The following SLC8A1 variants were observed in gnomAD, a reference collection of about 807,000 sequenced individuals.
The protein encoded by SLC8A1 is solute carrier family 8 member A1.
A neutral mutation model predicts 68.3 loss-of-function variants in SLC8A1; 18 were observed. The observed-to-expected ratio is 0.26, with a 90% CI of 0.18 to 0.39. SLC8A1 has a LOEUF of 0.39. SLC8A1 is among the 10% of genes least tolerant of loss of function. The pLI is 1.00. For synonymous variants in SLC8A1, 475 were observed against 415.5 expected (o/e 1.14, Z -1.74); for missense variants, 985 against 1,156.7 (o/e 0.85, Z 2.15).
intron 4 of SLC8A1, 122 bp downstream of exon 6, chr2:40,174,583 AC>A: frequency 1.1e-6 from 1 of 937,796 alleles, no homozygotes; most frequent in Non-Finnish European, 1.6e-6. Context: ...AATGTGTAAA[AC>A]CAGCAAGAGC....
intron 2 of SLC8A1, among the ~76,000 whole-genome samples, chr2:40,181,731 A>G (rs1248074006): frequency 6.6e-6 from 1 of 152,210 alleles, no homozygotes; most frequent in Non-Finnish European, 1.5e-5. Flanking sequence ...AGGCACTGGT[A>G]ATGTTCACCT....
intron 2 of SLC8A1, among the ~76,000 whole-genome samples, chr2:40,246,235 G>A (rs1336005998): frequency 6.6e-6 from 1 of 152,172 alleles, no homozygotes; most frequent in Non-Finnish European, 1.5e-5. Flanking sequence ...CAAGCATGTG[G>A]TACACATCTA....
chr2:40,303,996 A>G (rs2072074184), intron 2 of SLC8A1, among the ~76,000 whole-genome samples: 1 of 152,236 alleles, frequency 6.6e-6, no homozygotes. Flanking sequence ...CCGGATCAAC[A>G]AGACGTCATT....
At chr2:40,139,733 C>T (rs1416742941) in intron 6 of SLC8A1, 57 bp from the exon 10 acceptor site, 1 of 1,552,584 alleles carries the variant, frequency 6.4e-7, no homozygotes, top group Non-Finnish European at 8.8e-7. Context: ...GGGTCTTCCT[C>T]TCTCTCAATC....
intron 1 of SLC8A1, among the ~76,000 whole-genome samples, chr2:40,465,313 CAT>C (rs71406069): frequency 0.089 from 13,493 of 151,948 alleles, 1,007 homozygotes; most frequent in East Asian, 0.33. Context: ...GAACCTATTA[CAT>C]ATATATATAG....
chr2:40,202,456 A>G (rs2054566703), intron 2 of SLC8A1, among the ~76,000 whole-genome samples: 2 of 152,010 alleles, frequency 1.3e-5, no homozygotes. Flanking sequence ...CTGATTGTTA[A>G]TAGTGAACTA....
intron 2 of SLC8A1, among the ~76,000 whole-genome samples, chr2:40,396,656 T>A (rs765196752): frequency 2.0e-5 from 3 of 151,202 alleles, no homozygotes; most frequent in Non-Finnish European, 2.9e-5. Context: ...TGTAATCCTA[T>A]GTTTCTTTAA....
intron 1 of SLC8A1, among the ~76,000 whole-genome samples, chr2:40,449,179 AAC>A (rs1228769351): frequency 6.6e-5 from 9 of 135,824 alleles, no homozygotes; most frequent in South Asian, 2.4e-4. Flanking sequence ...AAAAAACAAC[AAC>A]AAAAAAAAAC....
exon 8 of SLC8A1, chr2:40,097,414 T>C (rs543649257): frequency 6.6e-6 from 1 of 152,180 alleles, no homozygotes; most frequent in South Asian, 2.1e-4. Context: ...AAACATCACA[T>C]ATAACATACA....
intron 2 of SLC8A1, among the ~76,000 whole-genome samples, chr2:40,187,316 T>C (rs1192408168): frequency 6.6e-6 from 1 of 152,222 alleles, no homozygotes; most frequent in Non-Finnish European, 1.5e-5. Flanking sequence ...GGTGCTATTC[T>C]GTAATTTAAA....
intron 2 of SLC8A1, among the ~76,000 whole-genome samples, chr2:40,250,083 A>C (rs76369605): frequency 1.3e-5 from 2 of 152,220 alleles, no homozygotes; most frequent in African/African-American, 4.8e-5. Flanking sequence ...CTACAGAACA[A>C]TTCCTTAGCT....
chr2:40,338,142 A>T (rs1053707513), intron 2 of SLC8A1, among the ~76,000 whole-genome samples: 1 of 151,914 alleles, frequency 6.6e-6, no homozygotes, highest in Admixed American at 6.6e-5. Context: ...CCTTTATCCA[A>T]TAAGGCTACA....
chr2:40,145,930 G>A (rs1049552171), intron 6 of SLC8A1, among the ~76,000 whole-genome samples: 5 of 151,718 alleles, frequency 3.3e-5, no homozygotes, highest in African/African-American at 1.2e-4. Flanking sequence ...ACTAAATTCA[G>A]TAACCCAAAG....
intron 2 of SLC8A1, among the ~76,000 whole-genome samples, chr2:40,333,811 A>G (rs989390154): frequency 1.3e-5 from 2 of 152,126 alleles, no homozygotes; most frequent in African/African-American, 4.8e-5. Context: ...GCACTTTGGG[A>G]GCTAAGGCGG....
rs751241939 is a variant in SLC8A1, at chr2:40,174,345, C to G, written c.1930+480G>C. ...ATTTATGTGTTATTAGGATCCTGAG[C>G]TTGGACCACGGATCCATCTTGGATG... On this transcript the variant is annotated intron_variant, in intron 4 of 7. Transcript: ENST00000406785. Among the ~76,000 whole-genome samples the G allele has an allele frequency of 2.4e-4, 37 of 152,112 alleles. No homozygotes were observed. The Middle Eastern group carries it at 0.01, about 42-fold the overall frequency.
At chr2:40,476,111 T>A (rs1417499047) in intron 1 of SLC8A1, among the ~76,000 whole-genome samples, 1 of 152,212 alleles carries the variant, frequency 6.6e-6, no homozygotes, top group Non-Finnish European at 1.5e-5. Flanking sequence ...GTTGTGGAAC[T>A]TCTTGATTTT....
At chr2:40,299,588 T>C (rs72939236) in intron 2 of SLC8A1, among the ~76,000 whole-genome samples, 8,424 of 152,192 alleles carry the variant, frequency 0.055, 752 homozygotes, top group African/African-American at 0.19. Flanking sequence ...GCAGAGGTGA[T>C]GTGCAAACAT....
At chr2:40,370,119 A>C (rs1050523467) in intron 2 of SLC8A1, among the ~76,000 whole-genome samples, 2 of 152,132 alleles carry the variant, frequency 1.3e-5, no homozygotes, top group African/African-American at 4.8e-5. Flanking sequence ...GATCTAGGCA[A>C]CAGATTCAAC....
intron 2 of SLC8A1, chr2:40,254,299 C>G (rs1420685527): frequency 6.7e-6 from 1 of 150,202 alleles, no homozygotes; most frequent in Admixed American, 6.6e-5. Flanking sequence ...GAATGCCACA[C>G]CTTGTGAGAC....
Sources: allele counts gnomAD v4.1 joint callset (sites outside exome capture counted in the v4.1 genomes callset), GRCh38; gene constraint gnomAD v4.1.1; transcripts MANE v1.5; gene names NCBI Gene and HGNC (gene_info 2026-07-23, HGNC 2026-07-21).